Variants in NRG1 observed in about 807,000 individuals in gnomAD.
NRG1 encodes neuregulin 1.
A neutral mutation model predicts 63.8 loss-of-function variants in NRG1; 18 were observed. The observed-to-expected ratio is 0.28, with a 90% CI of 0.19 to 0.42. The LOEUF is 0.42. NRG1 is among the 10% of genes least tolerant of loss of function. The probability of loss-of-function intolerance (pLI) is 1.00; values close to 1 mark genes in which losing one functional copy is unlikely to be tolerated. For missense variants in NRG1, 762 were observed against 814.7 expected (o/e 0.94, Z 0.79); for synonymous variants, 302 against 301.3 (o/e 1.00, Z -0.02).
chr8:32,127,406 C>T (rs1834226502), intron 1 of NRG1, among the ~76,000 whole-genome samples: 1 of 151,790 alleles, frequency 6.6e-6, no homozygotes, highest in South Asian at 2.1e-4. Flanking sequence ...CCTTGCTTAT[C>T]ACACCATGAA....
chr8:32,573,172 A>G (rs9642728), intron 1 of NRG1, among the ~76,000 whole-genome samples: 23,542 of 152,216 alleles, frequency 0.15, 2,202 homozygotes, highest in Non-Finnish European at 0.2. Flanking sequence ...CCCTGCATGG[A>G]TTATTCCCAT....
chr8:32,072,429 A>G (rs1273663746), intron 1 of NRG1, among the ~76,000 whole-genome samples: 1 of 151,878 alleles, frequency 6.6e-6, no homozygotes, highest in African/African-American at 2.4e-5. Context: ...CCCACCCCCA[A>G]CTCCATGTCT....
chr8:32,230,342 G>C (rs1224080687), intron 1 of NRG1, among the ~76,000 whole-genome samples: 1 of 152,180 alleles, frequency 6.6e-6, no homozygotes, highest in Non-Finnish European at 1.5e-5. Flanking sequence ...TTAAAATGTT[G>C]CTAAAGTAAG....
intron 1 of NRG1, among the ~76,000 whole-genome samples, chr8:32,216,846 T>C (rs1845283425): frequency 6.6e-6 from 1 of 151,950 alleles, no homozygotes; most frequent in South Asian, 2.1e-4. Context: ...CAAAAATAAT[T>C]ACCTTCCCAA....
intron 1 of NRG1, among the ~76,000 whole-genome samples, chr8:32,420,822 T>C (rs912394452): frequency 6.6e-6 from 1 of 152,172 alleles, no homozygotes; most frequent in African/African-American, 2.4e-5. Context: ...GTCCTCATAA[T>C]CCCCATGTGT....
intron 3 of NRG1, among the ~76,000 whole-genome samples, chr8:32,609,587 C>A (rs1425748240): frequency 7.5e-6 from 1 of 133,548 alleles, no homozygotes; most frequent in Non-Finnish European, 1.6e-5. Context: ...TCCTTCCTTC[C>A]TTCCTTCCTT....
At chr8:32,725,725 C>T (rs572577328) in intron 5 of NRG1, among the ~76,000 whole-genome samples, 75 of 151,978 alleles carry the variant, frequency 4.9e-4, no homozygotes, top group Admixed American at 1.1e-3. Context: ...CCTCCCATCT[C>T]GGCCTCCCAA....
chr8:32,624,647 T>C (rs1208929423), intron 5 of NRG1, among the ~76,000 whole-genome samples: 4 of 152,188 alleles, frequency 2.6e-5, no homozygotes, highest in African/African-American at 4.8e-5. Flanking sequence ...TTTAAAAGAC[T>C]CATTAGTACC....
intron 1 of NRG1, among the ~76,000 whole-genome samples, chr8:31,691,537 G>T (rs1329478560): frequency 7.4e-6 from 1 of 135,354 alleles, no homozygotes; most frequent in Non-Finnish European, 1.5e-5. Context: ...GGAGCTTGCA[G>T]TGAGCCGAGA....
At chr8:32,370,275 T>C (rs761388914) in intron 1 of NRG1, among the ~76,000 whole-genome samples, 3 of 152,216 alleles carry the variant, frequency 2.0e-5, no homozygotes, top group Non-Finnish European at 2.9e-5. Flanking sequence ...GTTTAAAATA[T>C]ATAGTCTATG....
At chr8:32,748,339 G>GCGCGCACACACA (rs1207515428) in intron 7 of NRG1, among the ~76,000 whole-genome samples, 84 of 128,338 alleles carry the variant, frequency 6.5e-4, no homozygotes, top group Non-Finnish European at 8.9e-4. Flanking sequence ...GCGCGCGCGC[G>GCGCGCACACACA]CACACACACA....
At chr8:31,877,101 T>C (rs576616550) in intron 1 of NRG1, among the ~76,000 whole-genome samples, 2 of 152,226 alleles carry the variant, frequency 1.3e-5, no homozygotes, top group South Asian at 4.1e-4. Context: ...CAAATTCCAG[T>C]GTAGCTTTAA....
At chr8:32,476,437 T>G (rs10808325) in intron 1 of NRG1, among the ~76,000 whole-genome samples, 3 of 152,132 alleles carry the variant, frequency 2.0e-5, no homozygotes, top group Non-Finnish European at 2.9e-5. Context: ...ACAGAAAAGT[T>G]TCATTTCAGG....
chr8:32,683,887 G>GA (rs1216006912), intron 5 of NRG1, among the ~76,000 whole-genome samples: 4,787 of 141,708 alleles, frequency 0.034, 89 homozygotes, highest in Middle Eastern at 0.063. Context: ...TTTGCTTCTT[G>GA]AAAAAAAAAA....
intron 1 of NRG1, among the ~76,000 whole-genome samples, chr8:32,125,843 A>AT (rs1416192937): frequency 6.6e-6 from 1 of 151,766 alleles, no homozygotes; most frequent in South Asian, 2.1e-4. Flanking sequence ...TAGTTTCTAC[A>AT]TTTTTTTGAA....
At chr8:32,513,539 G>A (rs981691753) in intron 1 of NRG1, among the ~76,000 whole-genome samples, 66 of 152,080 alleles carry the variant, frequency 4.3e-4, no homozygotes, top group African/African-American at 1.5e-3. Flanking sequence ...CTGTCAAGTA[G>A]GGGTAATGGG....
At chr8:31,956,007 C>G (rs976586136) in intron 1 of NRG1, among the ~76,000 whole-genome samples, 1 of 149,132 alleles carries the variant, frequency 6.7e-6, no homozygotes, top group Non-Finnish European at 1.5e-5. Flanking sequence ...TAGCACTCCA[C>G]TCCATCCCAG....
In NRG1 at chr8:31,938,793, A is replaced by C. The variant is rs544989777; in HGVS notation, c.37+299362A>C. Among the ~76,000 whole-genome samples the C allele has an allele frequency of 5.3e-5, 8 of 152,340 alleles. No homozygotes were observed. In the South Asian group the frequency reaches 1.7e-3, roughly 32 times the overall value. ...CTGGAAAGTCTCAGCCATAGAATCA[A>C]ACAGGCAGAAGAAAGAACTTCTGAG... On this transcript the variant is annotated intron_variant, in intron 1 of 10. Coordinates refer to the NRG1 transcript ENST00000519301.
chr8:32,674,447 G>A (rs1806522998), intron 5 of NRG1, among the ~76,000 whole-genome samples: 1 of 152,144 alleles, frequency 6.6e-6, no homozygotes, highest in Admixed American at 6.6e-5. Flanking sequence ...TAGGCAAAGA[G>A]TGAGAGCAAT....
Sources: allele counts gnomAD v4.1 joint callset (sites outside exome capture counted in the v4.1 genomes callset), GRCh38; gene constraint gnomAD v4.1.1; transcripts MANE v1.5; gene names NCBI Gene and HGNC (gene_info 2026-07-23, HGNC 2026-07-21).